Variants in PLEKHH1 observed in about 807,000 individuals in gnomAD.
PLEKHH1 encodes pleckstrin homology, MyTH4 and FERM domain containing H1.
PLEKHH1 carries 104 observed loss-of-function variants against 160.0 expected under a neutral mutation model. The ratio of observed to expected loss-of-function variants is 0.65; its 90% CI spans 0.55 to 0.76. The LOEUF (loss-of-function observed/expected upper bound fraction) is 0.76. PLEKHH1 is among the 30% of genes least tolerant of loss of function. PLEKHH1 has a pLI of 0.00. For missense variants in PLEKHH1, 1,427 were observed against 1,724.1 expected (o/e 0.83, Z 3.05); for synonymous variants, 619 against 678.4 (o/e 0.91, Z 1.36).
At chr14:67,552,486 G>T (rs2034430407) in intron 2 of PLEKHH1, among the ~76,000 whole-genome samples, 1 of 152,242 alleles carries the variant, frequency 6.6e-6, no homozygotes, top group Non-Finnish European at 1.5e-5. Flanking sequence ...AAGAAGGACT[G>T]GCTGGGTGCG....
intron 1 of PLEKHH1, among the ~76,000 whole-genome samples, chr14:67,538,656 T>C (rs535762609): frequency 6.6e-6 from 1 of 152,300 alleles, no homozygotes; most frequent in South Asian, 2.1e-4. Context: ...GCAGGCACCC[T>C]GCTCCTGATC....
In PLEKHH1 at chr14:67,563,982, A is replaced by G. The variant is rs368160267; in HGVS notation, c.1263+1088A>G. Reference sequence around the variant, plus strand: ...AGTGGCACAATCTCAGCTCACTGGAAGCTCTGCCTCCCAGTTTCACGCCAT... The same window carrying G: ...AGTGGCACAATCTCAGCTCACTGGAGGCTCTGCCTCCCAGTTTCACGCCAT... On this transcript the variant is annotated intron_variant, in intron 7 of 28. Transcript: ENST00000329153. Among the ~76,000 whole-genome samples, 22 of 151,232 alleles carry G rather than the reference A, an allele frequency of 1.5e-4. No individual in the cohort carries two copies. In the East Asian group the frequency reaches 3.5e-3, roughly 24 times the overall value.
chr14:67,588,001 G>A lies in PLEKHH1; in HGVS notation c.*766G>A, dbSNP rs2036246012. The A allele has an allele frequency of 6.6e-6, 1 of 152,612 alleles. No homozygotes were observed. The highest frequency in any genetic ancestry group is 6.5e-5 in the Admixed American group (1 of 15,270). 9.5% of individuals were successfully genotyped at this position (152,612 alleles called of 1,614,324 possible). A position where few individuals can be genotyped will look rare whatever the true frequency, so the allele number is the denominator to read the frequency against. On this transcript the variant is annotated 3_prime_UTR_variant, in exon 29 of 29. Coordinates refer to ENST00000329153, the MANE Select transcript of PLEKHH1 (RefSeq NM_020715.3). ...GGGCTGCCTTTCCCAAATGGGAAAG[G>A]TGCTGACAGAGTTGGAGAAAAAAGA...
chr14:67,562,895 G>A lies in PLEKHH1; in HGVS notation c.1263+1G>A. ...CCCGCTGCACCAGTTTTCATCCTGGGTAAGAGGCAACCTCCGGGCTGGGCA... is the reference window on the plus strand; with the variant it reads ...CCCGCTGCACCAGTTTTCATCCTGGATAAGAGGCAACCTCCGGGCTGGGCA... On this transcript the variant is annotated splice_donor_variant, in intron 7 of 28. Coordinates refer to ENST00000329153, the MANE Select transcript of PLEKHH1 (RefSeq NM_020715.3). LOFTEE classifies it high-confidence loss of function. The A allele has an allele frequency of 6.2e-7, 1 of 1,611,078 alleles. No individual in the cohort carries two copies. The highest frequency in any genetic ancestry group is 8.5e-7 in the Non-Finnish European group (1 of 1,178,956).
intron 1 of PLEKHH1, among the ~76,000 whole-genome samples, chr14:67,539,469 T>G (rs1253007879): frequency 1.3e-5 from 2 of 152,150 alleles, no homozygotes; most frequent in Non-Finnish European, 2.9e-5. Flanking sequence ...GGCCTTTCTC[T>G]GCAGGTCTTA....
intron 28 of PLEKHH1, 134 bp downstream of exon 28, chr14:67,586,231 T>A: frequency 8.5e-7 from 1 of 1,178,852 alleles, no homozygotes; most frequent in Non-Finnish European, 1.2e-6. Flanking sequence ...TGTCTGTAAT[T>A]AGTATTCCAA....
At chr14:67,585,703 G>C (rs765386990) in intron 27 of PLEKHH1, 49 bp downstream of exon 27, 4 of 1,335,740 alleles carry the variant, frequency 3.0e-6, no homozygotes, top group Non-Finnish European at 4.2e-6. Flanking sequence ...TCCTCAACAT[G>C]GTCTTTTCTT....
intron 26 of PLEKHH1, 92 bp downstream of exon 26, chr14:67,584,216 T>C: frequency 3.8e-6 from 5 of 1,306,950 alleles, no homozygotes; most frequent in South Asian, 1.3e-5. Flanking sequence ...CCTACCTCCA[T>C]ACCAGTAACC....
Position 67,587,106 on chromosome 14 carries a change from T to C in PLEKHH1, c.3966T>C (p.Tyr1322=), listed in dbSNP as rs2140579416. The change falls in exon 29 of 29, where the codon TAT becomes TAC. Residue 1322 remains tyrosine, a synonymous_variant. Coordinates refer to ENST00000329153, the MANE Select transcript of PLEKHH1 (RefSeq NM_020715.3). ...IAEATFIMAS[Y]MNHCTTTVNP... ...AAGCTACCTTCATCATGGCCAGCTATATGAACCATTGCACTACAACTGTGA... is the reference window on the plus strand; with the variant it reads ...AAGCTACCTTCATCATGGCCAGCTACATGAACCATTGCACTACAACTGTGA... 6.2e-7 allele frequency: 1 copy of C among 1,613,158 alleles called. No individual in the cohort carries two copies. The highest frequency in any genetic ancestry group is 2.2e-5 in the East Asian group (1 of 44,884).
chr14:67,575,345 C>G lies in PLEKHH1; in HGVS notation c.2089-47C>G, dbSNP rs563648855. On this transcript the variant is annotated intron_variant, in intron 14 of 28. Transcript: ENST00000329153. ...CTATTTGCCAGTCCTGGATTTACTT[C>G]TAGAGTTACCTAGTTCTCATAATGC... 2.6e-6 allele frequency: 3 copies of G among 1,154,630 alleles called. No homozygotes were observed. The South Asian group carries it at 4.2e-5, about 16-fold the overall frequency. The allele number at this position is 1,154,630 out of a possible 1,614,324, so 71.5% of individuals were successfully genotyped here. A position where few individuals can be genotyped will look rare whatever the true frequency, so the allele number is the denominator to read the frequency against.
rs778976854 is a variant in PLEKHH1 at position 67,574,419 on chromosome 14, G to A, written c.2088+16G>A. On this transcript the variant is annotated intron_variant, in intron 14 of 28. Coordinates refer to ENST00000329153, the MANE Select transcript of PLEKHH1 (RefSeq NM_020715.3). The surrounding 1 kb of genome is among the most constrained non-coding windows in gnomAD (Gnocchi z 4.2). ...GCTGACCAAGGTAGAGGGTGGGGCT[G>A]ATAGGGCAGGAACATGTGCCTCCTG... 4 of 1,509,554 alleles carry A rather than the reference G, an allele frequency of 2.6e-6. No homozygotes were observed. The African/African-American group carries it at 5.6e-5, about 21-fold the overall frequency. The allele number at this position is 1,509,554 out of a possible 1,614,324, so 93.5% of individuals were successfully genotyped here. A position where few individuals can be genotyped will look rare whatever the true frequency, so the allele number is the denominator to read the frequency against.
chr14:67,542,418 C>T (rs1047801310), intron 2 of PLEKHH1, among the ~76,000 whole-genome samples: 1 of 152,202 alleles, frequency 6.6e-6, no homozygotes, highest in Non-Finnish European at 1.5e-5. Context: ...AACAAGGACA[C>T]AGGCTTTGGA....
chr14:67,583,626 C>G, intron 24 of PLEKHH1, 115 bp from the exon 25 acceptor site: 1 of 715,536 alleles, frequency 1.4e-6, no homozygotes, highest in South Asian at 2.4e-5. Flanking sequence ...TTCACAACCA[C>G]TCGCACCCCA....
chr14:67,562,866 C>T lies in PLEKHH1; in HGVS notation c.1235C>T (p.Thr412Ile), dbSNP rs770316875. Reference sequence around the variant, plus strand: ...GTGGAGCTGGGTAACAAGCCACCTACACCCCCGCTGCACCAGTTTTCATCC... The same window carrying T: ...GTGGAGCTGGGTAACAAGCCACCTATACCCCCGCTGCACCAGTTTTCATCC... Reference protein sequence around the residue: ...EEVELGNKPPTPPLHQFSSWE... With the variant: ...EEVELGNKPPIPPLHQFSSWE... Residue 412 changes from threonine to isoleucine, a missense_variant, in exon 7 of 29, where the codon ACA (threonine) becomes ATA (isoleucine). Coordinates refer to ENST00000329153, the MANE Select transcript of PLEKHH1 (RefSeq NM_020715.3). 6 of 1,613,200 alleles carry T rather than the reference C, an allele frequency of 3.7e-6. No homozygotes were observed. In the East Asian group the frequency reaches 1.1e-4, roughly 30 times the overall value.
At position 67,586,350 on chromosome 14, in the gene PLEKHH1, CTTT is replaced by C. The variant is rs1335583060; in HGVS notation, c.3933+257_3933+259del. The C allele has an allele frequency of 2.3e-5, 33 of 1,434,796 alleles. No homozygotes were observed. The East Asian group carries it at 9.3e-4, about 40-fold the overall frequency. The allele number at this position is 1,434,796 out of a possible 1,614,324, so 88.9% of individuals were successfully genotyped here. ...GCTACTATTATGCTCTTCACTTTTT[CTTT>C]TTTATTCTCTCAAGCCCCAGCATCA... On this transcript the variant is annotated intron_variant, in intron 28 of 28. Coordinates refer to ENST00000329153, the MANE Select transcript of PLEKHH1 (RefSeq NM_020715.3).
At position 67,573,977 on chromosome 14, in the gene PLEKHH1, AG is replaced by A; in HGVS notation, c.1926+91del. 2 of 928,860 alleles carry A rather than the reference AG, an allele frequency of 2.2e-6. No homozygotes were observed. Among genetic ancestry groups the A allele is most frequent in the Middle Eastern group, 2.4e-4 (1 of 4,096 alleles). The allele number at this position is 928,860 out of a possible 1,614,324, so 57.5% of individuals were successfully genotyped here. On this transcript the variant is annotated intron_variant, in intron 13 of 28. Coordinates refer to ENST00000329153, the MANE Select transcript of PLEKHH1 (RefSeq NM_020715.3). The surrounding 1 kb of genome is among the most constrained non-coding windows in gnomAD (Gnocchi z 4.8). The stretch of plus-strand genomic sequence containing the variant: ...AGTGAGACAAAGATGGGGCCAAATG[AG>A]CATGAATGAAAGACTTCAGATCAAC...
intron 28 of PLEKHH1, chr14:67,586,321 C>A: frequency 7.6e-7 from 1 of 1,318,152 alleles, no homozygotes; most frequent in Non-Finnish European, 1.1e-6. Flanking sequence ...CTAACTCTGG[C>A]CTAGCTACTA....
At chr14:67,556,219 A>G (rs1018004479) in intron 3 of PLEKHH1, among the ~76,000 whole-genome samples, 1 of 152,228 alleles carries the variant, frequency 6.6e-6, no homozygotes, top group Admixed American at 6.5e-5. Context: ...TCAGGAATCC[A>G]GGTTAAAGGA....
intron 1 of PLEKHH1, among the ~76,000 whole-genome samples, chr14:67,535,820 C>G (rs2033693770): frequency 6.6e-6 from 1 of 152,170 alleles, no homozygotes; most frequent in Non-Finnish European, 1.5e-5. Context: ...CTTTAATTCT[C>G]AAAAAGCCCT....
Sources: allele counts gnomAD v4.1 joint callset (sites outside exome capture counted in the v4.1 genomes callset), GRCh38; gene constraint gnomAD v4.1.1; non-coding constraint Gnocchi (gnomAD v3.1); transcripts MANE v1.5; gene names NCBI Gene and HGNC (gene_info 2026-07-23, HGNC 2026-07-21).